SLC35F4: variants seen among roughly 807,000 people sequenced by gnomAD.
SLC35F4 encodes the protein solute carrier family 35 member F4, also known as chromosome 14 open reading frame 36.
In SLC35F4, 24 loss-of-function variants were observed where a neutral mutation model predicts 44.2. The ratio of observed to expected loss-of-function variants is 0.54; its 90% CI spans 0.39 to 0.76. SLC35F4 has a LOEUF of 0.76. Ranked by LOEUF, SLC35F4 falls within the 30% of genes least tolerant of loss-of-function variation. The pLI is 0.00. For missense variants in SLC35F4, 562 were observed against 586.1 expected (o/e 0.96, Z 0.42); for synonymous variants, 238 against 223.6 (o/e 1.06, Z -0.57).
At chr14:57,587,087 A>T (rs974827633) in intron 3 of SLC35F4, among the ~76,000 whole-genome samples, 1 of 152,220 alleles carries the variant, frequency 6.6e-6, no homozygotes, top group African/African-American at 2.4e-5. Context: ...ATCTCAGGCC[A>T]GTTAGAATGG....
At chr14:57,804,061 A>C (rs973185570) in intron 1 of SLC35F4, among the ~76,000 whole-genome samples, 1 of 152,192 alleles carries the variant, frequency 6.6e-6, no homozygotes, top group Non-Finnish European at 1.5e-5. Flanking sequence ...ACAACTAAAA[A>C]GGGAAGTGAA....
At chr14:57,740,642 A>G (rs368970404) in intron 1 of SLC35F4, among the ~76,000 whole-genome samples, 1 of 152,364 alleles carries the variant, frequency 6.6e-6, no homozygotes, top group East Asian at 1.9e-4. Context: ...TAGCTAGAAG[A>G]GAAGAATTCA....
chr14:57,942,989 T>C (rs937569114), intron 1 of SLC35F4, among the ~76,000 whole-genome samples: 5 of 152,206 alleles, frequency 3.3e-5, no homozygotes, highest in Admixed American at 2.0e-4. Flanking sequence ...GGCTTGAATC[T>C]AGTTTTTTTA....
At chr14:57,669,272 G>A (rs926372720) in intron 1 of SLC35F4, among the ~76,000 whole-genome samples, 2 of 151,938 alleles carry the variant, frequency 1.3e-5, no homozygotes, top group East Asian at 3.9e-4. Flanking sequence ...CATGTCAACT[G>A]CAAACAGGGA....
At position 57,589,230 on chromosome 14, in the gene SLC35F4, T is replaced by C; in HGVS notation, c.573A>G (p.Pro191=). Residue 191 remains proline (P), a synonymous_variant, in exon 3 of 8, where the codon CCA becomes CCG. Transcript: ENST00000556826. Reference sequence around the variant, plus strand: ...ATGAAACCTACCTGAATTTTTTCATTGGAGATTGCTTTTCTTGAGCAGTGG... The same window carrying C: ...ATGAAACCTACCTGAATTTTTTCATCGGAGATTGCTTTTCTTGAGCAGTGG... ...HLATAQEKQS[P]MKKFRECSRI... is the part of the protein sequence containing the mutation. The C allele has an allele frequency of 6.2e-7, 1 of 1,605,190 alleles. No individual in the cohort carries two copies. The highest frequency in any genetic ancestry group is 8.5e-7 in the Non-Finnish European group (1 of 1,175,730).
At chr14:57,904,796 G>C (rs1303620665) in intron 1 of SLC35F4, among the ~76,000 whole-genome samples, 1 of 152,086 alleles carries the variant, frequency 6.6e-6, no homozygotes, top group Non-Finnish European at 1.5e-5. Flanking sequence ...TGATGGTGCA[G>C]ATCCCAGCAC....
intron 1 of SLC35F4, among the ~76,000 whole-genome samples, chr14:57,737,743 G>A (rs540648467): frequency 6.6e-6 from 1 of 152,278 alleles, no homozygotes; most frequent in Middle Eastern, 3.4e-3. Context: ...GTGATGAAAC[G>A]CTAACAGCTC....
chr14:57,947,000 T>C (rs189736535), intron 1 of SLC35F4, among the ~76,000 whole-genome samples: 1 of 152,318 alleles, frequency 6.6e-6, no homozygotes, highest in Admixed American at 6.5e-5. Flanking sequence ...GAGTTGTTTT[T>C]TTCTAGTTCT....
At chr14:57,800,398 A>T (rs1322147622) in intron 1 of SLC35F4, among the ~76,000 whole-genome samples, 2 of 152,226 alleles carry the variant, frequency 1.3e-5, no homozygotes, top group African/African-American at 4.8e-5. Flanking sequence ...TAAGCCCACA[A>T]AGATGAGAAA....
intron 1 of SLC35F4, among the ~76,000 whole-genome samples, chr14:57,858,183 T>C (rs932524102): frequency 6.6e-6 from 1 of 152,064 alleles, no homozygotes; most frequent in Non-Finnish European, 1.5e-5. Flanking sequence ...TTACTGGGTA[T>C]ATACCCAAAG....
chr14:57,571,924 C>T lies in SLC35F4; in HGVS notation c.903G>A (p.Val301=). ...ATAATGCAGATGTAGAGGCTGAGCC[C>T]ACCGCAAATGCCACTCCTATGATGG... ...ADSIIGVAFA[V]GSASTSALYK... Residue 301 remains valine, a synonymous_variant, in exon 5 of 8, where the codon GTG becomes GTA. Transcript: ENST00000556826. The T allele has an allele frequency of 1.2e-6, 2 of 1,612,624 alleles. No homozygotes were observed. The highest frequency in any genetic ancestry group is 1.7e-6 in the Non-Finnish European group (2 of 1,179,290).
intron 1 of SLC35F4, among the ~76,000 whole-genome samples, chr14:57,892,409 T>G (rs1339004968): frequency 1.3e-5 from 2 of 152,186 alleles, no homozygotes; most frequent in African/African-American, 4.8e-5. Context: ...ACAATCTGAC[T>G]GTTCAACTGG....
intron 1 of SLC35F4, among the ~76,000 whole-genome samples, chr14:57,961,372 G>A (rs536173107): frequency 4.6e-5 from 7 of 152,236 alleles, no homozygotes; most frequent in African/African-American, 1.7e-4. Context: ...ACAGAGCAGC[G>A]CCACAGAGTA....
At chr14:57,919,359 G>A (rs1216781314) in intron 1 of SLC35F4, among the ~76,000 whole-genome samples, 1 of 152,190 alleles carries the variant, frequency 6.6e-6, no homozygotes, top group African/African-American at 2.4e-5. Flanking sequence ...AAAAGCATTT[G>A]GAAGTTTTCT....
chr14:57,953,900 T>G (rs902506414), intron 1 of SLC35F4, among the ~76,000 whole-genome samples: 1 of 152,196 alleles, frequency 6.6e-6, no homozygotes, highest in African/African-American at 2.4e-5. Flanking sequence ...CATTCAGGAC[T>G]TGAATGCAAC....
chr14:57,642,387 C>T (rs2073289132), intron 1 of SLC35F4, among the ~76,000 whole-genome samples: 1 of 151,880 alleles, frequency 6.6e-6, no homozygotes, highest in African/African-American at 2.4e-5. Context: ...TTTTCCACAA[C>T]ATTATAGTTA....
At chr14:57,894,872 T>C (rs1213643058) in intron 1 of SLC35F4, among the ~76,000 whole-genome samples, 1 of 152,132 alleles carries the variant, frequency 6.6e-6, no homozygotes, top group Non-Finnish European at 1.5e-5. Flanking sequence ...ATAGACAAAC[T>C]TACACAGCAT....
intron 1 of SLC35F4, among the ~76,000 whole-genome samples, chr14:57,844,261 C>G (rs1412988455): frequency 6.6e-6 from 1 of 152,038 alleles, no homozygotes; most frequent in Non-Finnish European, 1.5e-5. Context: ...TGCTCAAACC[C>G]CAGCTGGAAT....
Position 57,746,649 on chromosome 14 carries a change from A to T in SLC35F4, c.103+119074T>A, listed in dbSNP as rs542518351. 1.3e-4 allele frequency among the ~76,000 whole-genome samples: 20 copies of T among 152,274 alleles called. No homozygotes were observed. In the South Asian group the frequency reaches 4.1e-3, roughly 32 times the overall value. ...TTAAAAAAAGTTTTTAAAAATAAAA[A>T]AGTGCAAAAAAATGACAAATTGTAG... On this transcript the variant is annotated intron_variant, in intron 1 of 7. Transcript: ENST00000556826.
Sources: allele counts gnomAD v4.1 joint callset (sites outside exome capture counted in the v4.1 genomes callset), GRCh38; gene constraint gnomAD v4.1.1; transcripts MANE v1.5; gene names NCBI Gene and HGNC (gene_info 2026-07-23, HGNC 2026-07-21).